IQCE: variants seen among roughly 807,000 people sequenced by gnomAD.
IQCE encodes IQ domain-containing protein E.
A neutral mutation model predicts 96.0 loss-of-function variants in IQCE; 115 were observed. That is an observed-to-expected ratio of 1.20 (90% CI 1.03 to 1.40). IQCE has a LOEUF of 1.40. Ranked by LOEUF, IQCE falls within the 40% of genes most tolerant of loss-of-function variation. The pLI is 0.00. For synonymous variants in IQCE, 412 were observed against 371.2 expected (o/e 1.11, Z -1.26); for missense variants, 1,041 against 909.1 (o/e 1.15, Z -1.87).
intron 21 of IQCE, among the ~76,000 whole-genome samples, chr7:2,608,261 G>T (rs148613718): frequency 6.6e-6 from 1 of 152,320 alleles, no homozygotes; most frequent in East Asian, 1.9e-4. Flanking sequence ...TCCCTCCTGT[G>T]CTGACGCGGA....
chr7:2,572,839 C>T (rs755521593), intron 5 of IQCE: 8 of 426,618 alleles, frequency 1.9e-5, no homozygotes, highest in South Asian at 3.4e-5. Flanking sequence ...CCACCGTGCC[C>T]GGCCTCTCTC....
intron 2 of IQCE, among the ~76,000 whole-genome samples, chr7:2,568,532 G>A (rs758856694): frequency 1.3e-4 from 20 of 152,222 alleles, no homozygotes; most frequent in Non-Finnish European, 1.9e-4. Context: ...CCCTTTGCTC[G>A]GCTTTCTTCC....
chr7:2,559,978 G>A (rs1250349902), intron 1 of IQCE, among the ~76,000 whole-genome samples: 4 of 151,984 alleles, frequency 2.6e-5, no homozygotes, highest in African/African-American at 9.7e-5. Flanking sequence ...GGGCAACATC[G>A]CAAGACCCCA....
chr7:2,580,922 TC>T (rs1025676620), intron 8 of IQCE, among the ~76,000 whole-genome samples: 15 of 151,814 alleles, frequency 9.9e-5, no homozygotes, highest in African/African-American at 3.6e-4. Context: ...TATAACATCA[TC>T]TTTTTTTTTT....
chr7:2,564,456 G>A (rs920727771), intron 1 of IQCE, among the ~76,000 whole-genome samples: 5 of 151,844 alleles, frequency 3.3e-5, no homozygotes, highest in African/African-American at 4.8e-5. Context: ...ACAATTATCC[G>A]GGCGTGGTGG....
intron 6 of IQCE, among the ~76,000 whole-genome samples, chr7:2,575,001 G>T (rs541622732): frequency 6.6e-6 from 1 of 152,246 alleles, no homozygotes; most frequent in African/African-American, 2.4e-5. Flanking sequence ...CCTGTCATTG[G>T]TCACTGGCGC....
chr7:2,600,598 A>G (rs772687372), intron 17 of IQCE, among the ~76,000 whole-genome samples: 2 of 152,196 alleles, frequency 1.3e-5, no homozygotes, highest in African/African-American at 4.8e-5. Context: ...TTTAGGTGCT[A>G]AGCAGATGCT....
Position 2,589,911 on chromosome 7 carries a change from T to A in IQCE, c.1049T>A (p.Leu350Gln). The change falls in exon 14 of 22, where the codon CTA (leucine) becomes CAA (glutamine). Residue 350 changes from leucine to glutamine, a missense_variant. Leu to Gln is a moderately radical substitution (Grantham distance 113). Coordinates refer to ENST00000402050, the MANE Select transcript of IQCE (RefSeq NM_152558.5). ...ACATGTCTGTGTTGCCTCCAGAAACTAAGTGTGATGGAGAGCTCAAAATCA... is the reference window on the plus strand; with the variant it reads ...ACATGTCTGTGTTGCCTCCAGAAACAAAGTGTGATGGAGAGCTCAAAATCA... ...LRRIVELEKK[L>Q]SVMESSKSHA... 2 of 1,613,670 alleles carry A rather than the reference T, an allele frequency of 1.2e-6. No homozygotes were observed. The highest frequency in any genetic ancestry group is 1.7e-6 in the Non-Finnish European group (2 of 1,179,920).
chr7:2,564,035 C>T (rs1353615385), intron 1 of IQCE, among the ~76,000 whole-genome samples: 1 of 147,172 alleles, frequency 6.8e-6, no homozygotes, highest in Non-Finnish European at 1.5e-5. Flanking sequence ...TAGTGAAACC[C>T]TGTCTCCACT....
In IQCE at chr7:2,578,283, G is replaced by A. The variant is rs769739251; in HGVS notation, c.507G>A (p.Thr169=). 1.9e-6 allele frequency: 3 copies of A among 1,613,922 alleles called. No homozygotes were observed. Among genetic ancestry groups the A allele is most frequent in the Admixed American group, 3.3e-5 (2 of 60,006 alleles). ...AGAGCGACGTGGACCTGATGAGAAC[G>A]AAGCTCCGGCGCCTGGAGGAGGAAA... ...VQKSDVDLMR[T]KLRRLEEENS... is the part of the protein sequence containing the mutation. The change falls in exon 7 of 22, where the codon ACG becomes ACA. Residue 169 remains threonine (T), a synonymous_variant. Transcript: ENST00000402050.
At chr7:2,573,935 A>C (rs2969044) in intron 6 of IQCE, among the ~76,000 whole-genome samples, 119,416 of 152,118 alleles carry the variant, frequency 0.79, 47,381 homozygotes, top group African/African-American at 0.89. Flanking sequence ...TTACAACCAC[A>C]GTCTGCTGAT....
intron 10 of IQCE, 44 bp from the exon 11 acceptor site, chr7:2,584,192 A>AT: frequency 1.3e-6 from 2 of 1,562,376 alleles, no homozygotes; most frequent in Non-Finnish European, 1.8e-6. Flanking sequence ...GGTCTTCTCC[A>AT]TGCTAGCCTT....
In IQCE at chr7:2,610,428, G is replaced by A; in HGVS notation, c.*266G>A. Reference sequence around the variant, plus strand: ...ATTTTCAGTGCCAACAGACACATCTGCCGTGAACTCGCAGATGCCAGGGAG... The same window carrying A: ...ATTTTCAGTGCCAACAGACACATCTACCGTGAACTCGCAGATGCCAGGGAG... On this transcript the variant is annotated 3_prime_UTR_variant, in exon 22 of 22. Coordinates refer to ENST00000402050, the MANE Select transcript of IQCE (RefSeq NM_152558.5). The A allele has an allele frequency of 2.5e-6, 1 of 404,516 alleles. No homozygotes were observed. 25.1% of individuals were successfully genotyped at this position (404,516 alleles called of 1,614,324 possible).
At position 2,601,417 on chromosome 7, in the gene IQCE, TTTTC is replaced by T. The variant is rs1204593728; in HGVS notation, c.1609-16_1609-13del. The T allele has an allele frequency of 6.2e-6, 9 of 1,463,126 alleles. No individual in the cohort carries two copies. Among genetic ancestry groups the T allele is most frequent in the East Asian group, 2.3e-5 (1 of 44,210 alleles). 90.6% of individuals were successfully genotyped at this position (1,463,126 alleles called of 1,614,324 possible). A position where few individuals can be genotyped will look rare whatever the true frequency, so the allele number is the denominator to read the frequency against. On this transcript the variant is annotated intron_variant, in intron 17 of 21. Transcript: ENST00000402050. ...TCCTTCTCGTGTTAATTCATGTATT[TTTTC>T]TTTCTTTTTTTTTTTCCAGAAAAAA...
At chr7:2,581,667 C>T (rs1183077569) in intron 8 of IQCE, among the ~76,000 whole-genome samples, 6 of 151,876 alleles carry the variant, frequency 4.0e-5, no homozygotes, top group African/African-American at 1.5e-4. Flanking sequence ...ATAGTGAAAC[C>T]CCATCTCTAT....
In IQCE at chr7:2,604,969, G is replaced by T. The variant is rs760211363; in HGVS notation, c.1721G>T (p.Ser574Ile). The T allele has an allele frequency of 6.2e-7, 1 of 1,613,338 alleles. No individual in the cohort carries two copies. The highest frequency in any genetic ancestry group is 8.5e-7 in the Non-Finnish European group (1 of 1,179,790). Residue 574 changes from serine (S) to isoleucine (I), a missense_variant, in exon 19 of 22, where the codon AGC (serine) becomes ATC (isoleucine). Ser to Ile is a moderately radical substitution (Grantham distance 142, BLOSUM62 -2). Transcript: ENST00000402050. ...ASKAHGSEPP[S>I]VPGLPDQSSP... ...AAAGCACATGGCTCAGAGCCACCCA[G>T]CGTGCCAGGCCTCCCAGACCAGGTA...
chr7:2,592,474 A>G (rs1336748329), intron 14 of IQCE, among the ~76,000 whole-genome samples: 2 of 152,222 alleles, frequency 1.3e-5, no homozygotes, highest in South Asian at 4.1e-4. Context: ...CTGGCATTTA[A>G]TACAGAGACT....
chr7:2,560,851 G>T (rs1780895800), intron 1 of IQCE, among the ~76,000 whole-genome samples: 1 of 150,272 alleles, frequency 6.7e-6, no homozygotes. Flanking sequence ...CAGCTACTTG[G>T]GAGGCTGAGG....
chr7:2,562,620 G>T, intron 1 of IQCE, among the ~76,000 whole-genome samples: 1 of 147,922 alleles, frequency 6.8e-6, no homozygotes, highest in African/African-American at 2.5e-5. Flanking sequence ...CCTGTATTTT[G>T]GTAATTTCGT....
Sources: gnomAD v4.1 joint callset for allele counts (sites outside exome capture counted in the v4.1 genomes callset) on GRCh38, gnomAD v4.1.1 for gene constraint, MANE v1.5 for transcripts, NCBI Gene and HGNC (gene_info 2026-07-23, HGNC 2026-07-21) for gene names.